The following DZIP3 variants were observed in gnomAD, a reference collection of about 807,000 sequenced individuals.
The protein encoded by DZIP3 is DAZ interacting zinc finger protein 3.
In DZIP3, 118 loss-of-function variants were observed where a neutral mutation model predicts 162.0. That is an observed-to-expected ratio of 0.73 (90% confidence interval 0.63 to 0.85). DZIP3 has a LOEUF of 0.85. DZIP3 is among the 40% of genes least tolerant of loss of function. The probability of loss-of-function intolerance (pLI) is 0.00; values close to 1 mark genes in which losing one functional copy is unlikely to be tolerated. For synonymous variants in DZIP3, 438 were observed against 458.6 expected (o/e 0.96, Z 0.57); for missense variants, 1,331 against 1,407.0 (o/e 0.95, Z 0.86).
At chr3:108,595,484 G>A (rs1902017) in intron 1 of DZIP3, among the ~76,000 whole-genome samples, 54,920 of 151,914 alleles carry the variant, frequency 0.36, 10,452 homozygotes, top group East Asian at 0.53. Context: ...CAAAGTGCTG[G>A]GATTACAGAC....
chr3:108,619,530 G>C (rs1353902687), intron 5 of DZIP3, among the ~76,000 whole-genome samples: 1 of 151,986 alleles, frequency 6.6e-6, no homozygotes, highest in Non-Finnish European at 1.5e-5. Flanking sequence ...CTAAGAACCA[G>C]GTATAAATCC....
intron 18 of DZIP3, 123 bp from the exon 19 acceptor site, chr3:108,654,022 C>T (rs1942993376): frequency 2.0e-6 from 2 of 1,012,796 alleles, no homozygotes; most frequent in East Asian, 5.2e-5. Context: ...TTCCTTTGAT[C>T]ATGAACCCTT....
intron 1 of DZIP3, among the ~76,000 whole-genome samples, chr3:108,595,901 G>C (rs1939688359): frequency 6.6e-6 from 1 of 152,118 alleles, no homozygotes; most frequent in Non-Finnish European, 1.5e-5. Context: ...CTTGATGCTA[G>C]GTCCATTTCT....
At chr3:108,605,005 T>C (rs990198010) in intron 1 of DZIP3, among the ~76,000 whole-genome samples, 2 of 152,200 alleles carry the variant, frequency 1.3e-5, no homozygotes, top group Non-Finnish European at 2.9e-5. Flanking sequence ...GAAATCCCAA[T>C]CAACCAGCTG....
At chr3:108,624,751 A>C (rs911734957) in intron 6 of DZIP3, among the ~76,000 whole-genome samples, 1 of 152,114 alleles carries the variant, frequency 6.6e-6, no homozygotes, top group African/African-American at 2.4e-5. Flanking sequence ...AGTATAGCTT[A>C]ATCCCTCTGG....
At chr3:108,637,640 G>A in intron 12 of DZIP3, 92 bp downstream of exon 12, 1 of 735,150 alleles carries the variant, frequency 1.4e-6, no homozygotes, top group East Asian at 3.4e-5. Flanking sequence ...TCACCTAATA[G>A]AGCTGCATTA....
chr3:108,691,012 T>C, intron 32 of DZIP3, 109 bp downstream of exon 32: 3 of 849,180 alleles, frequency 3.5e-6, no homozygotes, highest in Non-Finnish European at 5.4e-6. Flanking sequence ...AGCCAGCTAA[T>C]TTTATCAAAG....
chr3:108,662,866 T>C (rs1162245623), intron 21 of DZIP3, among the ~76,000 whole-genome samples: 3 of 152,218 alleles, frequency 2.0e-5, no homozygotes, highest in African/African-American at 7.2e-5. Context: ...GTTTAAATAG[T>C]AGCATAGTTT....
intron 7 of DZIP3, among the ~76,000 whole-genome samples, chr3:108,628,292 T>TCCTC (rs1941678915): frequency 6.6e-6 from 1 of 152,122 alleles, no homozygotes; most frequent in Non-Finnish European, 1.5e-5. Context: ...AAGGAGGAGG[T>TCCTC]CTTTGCCAGT....
At chr3:108,686,620 A>T in intron 28 of DZIP3, 36 bp downstream of exon 28, 1 of 1,474,656 alleles carries the variant, frequency 6.8e-7, no homozygotes, top group Non-Finnish European at 9.0e-7. Flanking sequence ...GGTACAGATC[A>T]TATTCTCCAG....
Position 108,688,582 on chromosome 3 carries a change from C to T in DZIP3, c.3271-11C>T. Reference sequence around the variant, plus strand: ...ATTCTGAAAAAATAAACATTATGTTCTTATTTTCAGAGTCAAGGAAAATCA... The same window carrying T: ...ATTCTGAAAAAATAAACATTATGTTTTTATTTTCAGAGTCAAGGAAAATCA... On this transcript the variant is annotated splice_polypyrimidine_tract_variant and intron_variant, in intron 29 of 32. Coordinates refer to ENST00000361582, the MANE Select transcript of DZIP3 (RefSeq NM_014648.4). 1.2e-6 allele frequency: 2 copies of T among 1,609,296 alleles called. No homozygotes were observed. The highest frequency in any genetic ancestry group is 1.7e-6 in the Non-Finnish European group (2 of 1,178,022).
intron 12 of DZIP3, among the ~76,000 whole-genome samples, chr3:108,641,323 C>G (rs1001969954): frequency 2.6e-4 from 39 of 151,992 alleles, no homozygotes; most frequent in African/African-American, 8.7e-4. Context: ...TATATGGAAA[C>G]ATTTGTTTTA....
intron 32 of DZIP3, among the ~76,000 whole-genome samples, chr3:108,691,864 A>C (rs1316555529): frequency 1.3e-5 from 2 of 152,050 alleles, no homozygotes; most frequent in African/African-American, 4.8e-5. Context: ...TCTCCTGAAA[A>C]CCCATTTGTC....
intron 14 of DZIP3, among the ~76,000 whole-genome samples, 157 bp from the exon 15 acceptor site, chr3:108,646,460 C>A (rs1318740552): frequency 6.6e-6 from 1 of 152,004 alleles, no homozygotes; most frequent in Non-Finnish European, 1.5e-5. Context: ...AAGATTGTGC[C>A]TTGTCTAAAC....
intron 19 of DZIP3, among the ~76,000 whole-genome samples, chr3:108,657,093 A>T (rs1051015229): frequency 6.6e-6 from 1 of 152,246 alleles, no homozygotes; most frequent in African/African-American, 2.4e-5. Context: ...TCCCCAATCT[A>T]GCAAGGCAGG....
chr3:108,642,163 T>C (rs1196495464), intron 12 of DZIP3, among the ~76,000 whole-genome samples: 1 of 152,186 alleles, frequency 6.6e-6, no homozygotes, highest in Admixed American at 6.5e-5. Flanking sequence ...CTTTCCTTTT[T>C]TTTCTGCTAC....
chr3:108,642,406 T>G (rs747904345), intron 12 of DZIP3, 32 bp from the exon 13 acceptor site: 2 of 1,455,162 alleles, frequency 1.4e-6, no homozygotes, highest in East Asian at 5.2e-5. Flanking sequence ...TTATTTTATT[T>G]CCACTATAAC....
intron 1 of DZIP3, among the ~76,000 whole-genome samples, chr3:108,595,439 A>G (rs972938188): frequency 6.6e-6 from 1 of 152,114 alleles, no homozygotes; most frequent in Non-Finnish European, 1.5e-5. Context: ...GCTGGACTCA[A>G]TCTGCTGGCC....
Position 108,663,815 on chromosome 3 carries a change from G to A in DZIP3, c.2423+1558G>A, listed in dbSNP as rs576466210. 5.3e-5 allele frequency among the ~76,000 whole-genome samples: 8 copies of A among 152,198 alleles called. No homozygotes were observed. In the South Asian group the frequency reaches 1.7e-3, roughly 32 times the overall value. On this transcript the variant is annotated intron_variant, in intron 21 of 32. Coordinates refer to ENST00000361582, the MANE Select transcript of DZIP3 (RefSeq NM_014648.4). ...TATGTCTTCACAAAATGAACATTTC[G>A]TGTTGGGCATTCACCAAACATTTAT...
Sources: allele counts gnomAD v4.1 joint callset (sites outside exome capture counted in the v4.1 genomes callset), GRCh38; gene constraint gnomAD v4.1.1; transcripts MANE v1.5; gene names NCBI Gene and HGNC (gene_info 2026-07-23, HGNC 2026-07-21).